The following GPR176 variants were observed in gnomAD, a reference collection of about 807,000 sequenced individuals.
GPR176 encodes the protein G-protein coupled receptor 176.
GPR176 carries 26 observed loss-of-function variants against 35.4 expected under a neutral mutation model. The ratio of observed to expected loss-of-function variants is 0.74; its 90% CI spans 0.54 to 1.02. GPR176 has a LOEUF of 1.02. Among genes scored for constraint, GPR176 ranks in the 50% least tolerant of loss-of-function variants. GPR176 has a pLI of 0.00. For missense variants in GPR176, 597 were observed against 665.3 expected (o/e 0.90, Z 1.13); for synonymous variants, 278 against 271.3 (o/e 1.02, Z -0.24).
At chr15:39,852,154 G>A (rs1032086002) in intron 1 of GPR176, among the ~76,000 whole-genome samples, 1 of 152,126 alleles carries the variant, frequency 6.6e-6, no homozygotes, top group African/African-American at 2.4e-5. Flanking sequence ...TTTCTCAATT[G>A]TAATATTATG....
At chr15:39,853,554 G>A (rs2031012709) in intron 1 of GPR176, among the ~76,000 whole-genome samples, 1 of 152,174 alleles carries the variant, frequency 6.6e-6, no homozygotes, top group Non-Finnish European at 1.5e-5. Context: ...TAACTTTTAT[G>A]TTATATTTTA....
intron 1 of GPR176, among the ~76,000 whole-genome samples, chr15:39,878,027 T>C (rs1192356751): frequency 6.6e-6 from 1 of 152,116 alleles, no homozygotes; most frequent in Non-Finnish European, 1.5e-5. Context: ...ACATGATGTT[T>C]TGATATACAT....
intron 1 of GPR176, among the ~76,000 whole-genome samples, chr15:39,868,629 G>GT (rs549574383): frequency 2.0e-5 from 3 of 152,096 alleles, no homozygotes; most frequent in South Asian, 4.1e-4. Flanking sequence ...CTTGCTGTGG[G>GT]TTTTTTTATT....
rs2030123082 is a variant in GPR176, at chr15:39,842,868, T to C, written c.173-35610A>G. 2.6e-5 allele frequency among the ~76,000 whole-genome samples: 4 copies of C among 152,100 alleles called. No homozygotes were observed. In the South Asian group the frequency reaches 8.3e-4, roughly 31 times the overall value. On this transcript the variant is annotated intron_variant, in intron 1 of 2. Coordinates refer to ENST00000561100, the MANE Select transcript of GPR176 (RefSeq NM_007223.3). ...TACAAGGGGCTGAGGGAGAACTTGC[T>C]CTGGAGGAAGGAAAGCCAGGCATGA... is the stretch of plus-strand genomic sequence containing the variant.
At chr15:39,812,565 G>C (rs994863162) in intron 1 of GPR176, among the ~76,000 whole-genome samples, 2 of 152,134 alleles carry the variant, frequency 1.3e-5, no homozygotes, top group Non-Finnish European at 2.9e-5. Flanking sequence ...TTTGGGACTT[G>C]AACTGGCTTC....
At chr15:39,892,727 A>C (rs919782286) in intron 1 of GPR176, among the ~76,000 whole-genome samples, 17 of 152,378 alleles carry the variant, frequency 1.1e-4, no homozygotes, top group Admixed American at 9.1e-4. Flanking sequence ...GGATGCAGGC[A>C]GCCGCCAAAA....
chr15:39,911,145 A>T (rs949807864), intron 1 of GPR176, among the ~76,000 whole-genome samples: 3 of 152,140 alleles, frequency 2.0e-5, no homozygotes, highest in African/African-American at 4.8e-5. Context: ...TAATTTGTTA[A>T]TTTTTTTCTG....
intron 1 of GPR176, among the ~76,000 whole-genome samples, chr15:39,834,027 GA>G (rs938615855): frequency 2.6e-5 from 4 of 152,178 alleles, no homozygotes; most frequent in African/African-American, 9.6e-5. Context: ...TGTACACACA[GA>G]GAGAAAGTCC....
chr15:39,905,045 G>A (rs993049110), intron 1 of GPR176, among the ~76,000 whole-genome samples: 2 of 152,162 alleles, frequency 1.3e-5, no homozygotes, highest in African/African-American at 4.8e-5. Context: ...ACCAACCCCA[G>A]CCCAGCTGCA....
At chr15:39,807,317 G>A (rs898930205) in intron 1 of GPR176, 59 bp from the exon 2 acceptor site, 4 of 1,148,008 alleles carry the variant, frequency 3.5e-6, no homozygotes, top group Non-Finnish European at 4.7e-6. Flanking sequence ...ACTAAAAAAA[G>A]GAAAAAAGTA....
intron 1 of GPR176, chr15:39,807,689 A>T (rs914588301): frequency 1.8e-5 from 12 of 668,006 alleles, no homozygotes; most frequent in Non-Finnish European, 3.0e-5. Context: ...CATGTTTTAA[A>T]AAAGTAAAGA....
intron 1 of GPR176, among the ~76,000 whole-genome samples, chr15:39,881,221 C>G (rs1246584368): frequency 6.6e-6 from 1 of 152,172 alleles, no homozygotes; most frequent in Non-Finnish European, 1.5e-5. Flanking sequence ...CTGTCTTCCC[C>G]AACAGACCAT....
At chr15:39,885,827 C>T (rs1219355020) in intron 1 of GPR176, among the ~76,000 whole-genome samples, 2 of 152,196 alleles carry the variant, frequency 1.3e-5, no homozygotes, top group Non-Finnish European at 2.9e-5. Flanking sequence ...TAGAACAAGA[C>T]ACTGATGTAG....
chr15:39,882,364 T>C (rs144074622), intron 1 of GPR176, among the ~76,000 whole-genome samples: 2 of 152,344 alleles, frequency 1.3e-5, no homozygotes, highest in Non-Finnish European at 2.9e-5. Context: ...TTTTGCCTTA[T>C]AGTTAAGTGA....
At chr15:39,839,044 A>G (rs1473798757) in intron 1 of GPR176, among the ~76,000 whole-genome samples, 1 of 152,170 alleles carries the variant, frequency 6.6e-6, no homozygotes, top group Non-Finnish European at 1.5e-5. Context: ...CAATATTGTG[A>G]AAACGGCCAT....
chr15:39,894,775 A>G (rs1233083552), intron 1 of GPR176, among the ~76,000 whole-genome samples: 1 of 148,406 alleles, frequency 6.7e-6, no homozygotes, highest in Non-Finnish European at 1.5e-5. Context: ...ATCCCAGATG[A>G]TGGGCGGCCA....
intron 1 of GPR176, among the ~76,000 whole-genome samples, chr15:39,875,993 ATATG>A (rs1595499633): frequency 6.7e-6 from 1 of 150,178 alleles, no homozygotes; most frequent in African/African-American, 2.4e-5. Context: ...TTAAATATAT[ATATG>A]TATTTAACCT....
At chr15:39,903,420 T>C (rs1377440281) in intron 1 of GPR176, among the ~76,000 whole-genome samples, 1 of 152,214 alleles carries the variant, frequency 6.6e-6, no homozygotes, top group African/African-American at 2.4e-5. Flanking sequence ...TTCACAACTG[T>C]AAGTTTTATA....
rs1489338261 is a variant in GPR176 at position 39,811,373 on chromosome 15, A to C, written c.173-4115T>G. Among the ~76,000 whole-genome samples the C allele has an allele frequency of 5.9e-5, 9 of 152,118 alleles. No individual in the cohort carries two copies. In the South Asian group the frequency reaches 6.2e-4, roughly 10 times the overall value. ...TAATTATTGATATGGTTGTATTAAA[A>C]TCTGCCATCCTGCCAGTTGTTTCCT... On this transcript the variant is annotated intron_variant, in intron 1 of 2. Transcript: ENST00000561100.
Sources: gnomAD v4.1 joint callset for allele counts (sites outside exome capture counted in the v4.1 genomes callset) on GRCh38, gnomAD v4.1.1 for gene constraint, MANE v1.5 for transcripts, NCBI Gene and HGNC (gene_info 2026-07-23, HGNC 2026-07-21) for gene names.